The following HMX1 variants were observed in gnomAD, a reference collection of about 807,000 sequenced individuals.
HMX1 encodes homeobox protein HMX1.
Under a neutral mutation model 8.9 loss-of-function variants are expected in HMX1, and 8 were observed. The observed-to-expected ratio is 0.90, with a 90% CI of 0.53 to 1.63. The LOEUF is 1.63. Among genes scored for constraint, HMX1 ranks in the 40% most tolerant of loss-of-function variants. The probability of loss-of-function intolerance (pLI) is 0.00; values close to 1 mark genes in which losing one functional copy is unlikely to be tolerated. For missense variants in HMX1, 621 were observed against 558.5 expected (o/e 1.11, Z -1.13); for synonymous variants, 311 against 283.4 (o/e 1.10, Z -0.98).
Position 8,868,011 on chromosome 4 carries a change from G to T in HMX1, c.729C>A (p.Thr243=). ...RAGLAASLQL[T]ETQVKIWFQN... is the part of the protein sequence containing the mutation. ...GGAACCAGATCTTAACCTGCGTCTCGGTGAGCTGCAGGGAGGCGGCCAGGC... is the reference window on the plus strand; with the variant it reads ...GGAACCAGATCTTAACCTGCGTCTCTGTGAGCTGCAGGGAGGCGGCCAGGC... The change falls in exon 2 of 2, where the codon ACC becomes ACA. Residue 243 remains threonine (T), a synonymous_variant. Transcript: ENST00000400677. This position sits in a 1 kb window ranked among gnomAD's most constrained non-coding sequence, Gnocchi z 4.6. The T allele has an allele frequency of 6.5e-7, 1 of 1,544,100 alleles. No homozygotes were observed. The highest frequency in any genetic ancestry group is 1.2e-5 in the South Asian group (1 of 83,936).
downstream of HMX1, among the ~76,000 whole-genome samples, chr4:8,863,187 C>T (rs1055630904): frequency 1.3e-5 from 2 of 152,202 alleles, no homozygotes; most frequent in Non-Finnish European, 2.9e-5. Context: ...GCAGGAGTAG[C>T]CCGCTGGCCT....
At chr4:8,866,990 C>T (rs367765360), downstream of HMX1, 5 of 841,066 alleles carry the variant, frequency 5.9e-6, no homozygotes, top group South Asian at 5.4e-5. Flanking sequence ...CCAGGAGGGA[C>T]GGCACCCAGC....
At chr4:8,857,761 G>A (rs576651552) in intron 1 of HMX1, among the ~76,000 whole-genome samples, 1 of 152,254 alleles carries the variant, frequency 6.6e-6, no homozygotes, top group East Asian at 1.9e-4. Flanking sequence ...ACGCGACAGG[G>A]GACTCGAGGT....
intron 1 of HMX1, among the ~76,000 whole-genome samples, chr4:8,861,234 C>A (rs939686447): frequency 1.3e-5 from 2 of 152,108 alleles, no homozygotes; most frequent in African/African-American, 4.8e-5. Context: ...CTCCAGGGCC[C>A]CAGCGGGGCA....
intron 1 of HMX1, among the ~76,000 whole-genome samples, chr4:8,850,453 G>A (rs1452187565): frequency 1.3e-5 from 2 of 151,982 alleles, no homozygotes; most frequent in Admixed American, 6.5e-5. Context: ...CCCTGACCTC[G>A]GGCTGCAGGA....
chr4:8,855,784 G>C (rs1433059778), intron 1 of HMX1, among the ~76,000 whole-genome samples: 2 of 152,126 alleles, frequency 1.3e-5, no homozygotes, highest in Admixed American at 6.5e-5. Flanking sequence ...AAGGGCCTGG[G>C]GAGTGTGGGA....
In HMX1 at chr4:8,870,146, G is replaced by T. The variant is rs1005889979; in HGVS notation, c.394+1075C>A. Among the ~76,000 whole-genome samples, 1 of 151,934 alleles carries T rather than the reference G, an allele frequency of 6.6e-6. No individual in the cohort carries two copies. Among genetic ancestry groups the T allele is most frequent in the African/African-American group, 2.4e-5 (1 of 41,340 alleles). ...AGCACACACTAATATTCATACAGAG[G>T]ACAGCATGGATCCCAGAGCCGGAGC... On this transcript the variant is annotated intron_variant, in intron 1 of 1. Transcript: ENST00000400677. This position sits in a 1 kb window ranked among gnomAD's most constrained non-coding sequence, Gnocchi z 4.4.
chr4:8,867,422 G>A lies in HMX1; in HGVS notation c.*271C>T, dbSNP rs1412634610. On this transcript the variant is annotated 3_prime_UTR_variant, in exon 2 of 2. Transcript: ENST00000400677. ...GCTGAGGCCGGGGGGTGGCCGTGGC[G>A]CCGGGGGCTGCGCAGCCCAGAGTCT... 9.2e-7 allele frequency: 1 copy of A among 1,084,816 alleles called. No individual in the cohort carries two copies. The highest frequency in any genetic ancestry group is 1.1e-6 in the Non-Finnish European group (1 of 894,708). 67.2% of individuals were successfully genotyped at this position (1,084,816 alleles called of 1,614,324 possible). A position where few individuals can be genotyped will look rare whatever the true frequency, so the allele number is the denominator to read the frequency against.
chr4:8,859,511 C>A (rs1182895493), intron 1 of HMX1, among the ~76,000 whole-genome samples: 1 of 152,146 alleles, frequency 6.6e-6, no homozygotes, highest in Non-Finnish European at 1.5e-5. Context: ...TCTCAGACCC[C>A]CATGTGGAGA....
Position 8,871,533 on chromosome 4 carries a change from C to T in HMX1, c.82G>A (p.Glu28Lys). The T allele has an allele frequency of 2.2e-6, 3 of 1,355,636 alleles. No homozygotes were observed. The highest frequency in any genetic ancestry group is 1.6e-5 in the South Asian group (1 of 62,066). The allele number at this position is 1,355,636 out of a possible 1,614,324, so 84.0% of individuals were successfully genotyped here. Residue 28 changes from glutamate (E) to lysine (K), a missense_variant, in exon 1 of 2, where the codon GAG (glutamate) becomes AAG (lysine). Physicochemically the swap from Glu to Lys is moderately conservative, Grantham distance 56. Coordinates refer to ENST00000400677, the MANE Select transcript of HMX1 (RefSeq NM_018942.3). This position sits in a 1 kb window ranked among gnomAD's most constrained non-coding sequence, Gnocchi z 4.8. ...SFLIENLLAA[E>K]AKGAGRATQG... The stretch of plus-strand genomic sequence containing the variant: ...GTCGCGCGCCCTGCGCCCTTGGCCT[C>T]GGCCGCCAGCAGGTTCTCGATGAGG...
Position 8,868,480 on chromosome 4 carries a change from C to G in HMX1, c.395-135G>C. On this transcript the variant is annotated intron_variant, in intron 1 of 1. Transcript: ENST00000400677. This position sits in a 1 kb window ranked among gnomAD's most constrained non-coding sequence, Gnocchi z 4.6. ...GACCTTCCAGCACAGGGCTGGGCAC[C>G]CAGCAGCTCTGGGGATGCACACATT... 2 of 676,634 alleles carry G rather than the reference C, an allele frequency of 3.0e-6. No homozygotes were observed. Among genetic ancestry groups the G allele is most frequent in the Non-Finnish European group, 4.2e-6 (2 of 473,430 alleles). 41.9% of individuals were successfully genotyped at this position (676,634 alleles called of 1,614,324 possible).
At chr4:8,864,357 A>G (rs1307128775), downstream of HMX1, among the ~76,000 whole-genome samples, 1 of 152,154 alleles carries the variant, frequency 6.6e-6, no homozygotes, top group Non-Finnish European at 1.5e-5. Flanking sequence ...GAGCTGTGCA[A>G]CTGGAAGCCC....
rs141977503 is a variant in HMX1, at chr4:8,846,987, C to G, written c.395-663G>C. 9.4e-3 allele frequency among the ~76,000 whole-genome samples: 1,427 copies of G among 152,326 alleles called. 27 individuals are homozygous for G. Among genetic ancestry groups the G allele is most frequent in the South Asian group, 0.068 (330 of 4,822 alleles). On this transcript the variant is annotated intron_variant, in intron 1 of 1. Coordinates refer to the HMX1 transcript ENST00000506970. Reference sequence around the variant, plus strand: ...GGGCAGGGTGCCAGCTAGGGGTTCCCTGTGTGCAAAAGTGACATGGGACAC... The same window carrying G: ...GGGCAGGGTGCCAGCTAGGGGTTCCGTGTGTGCAAAAGTGACATGGGACAC...
intron 1 of HMX1, among the ~76,000 whole-genome samples, chr4:8,859,917 C>T (rs1207715766): frequency 2.6e-5 from 4 of 152,364 alleles, no homozygotes; most frequent in South Asian, 4.1e-4. Flanking sequence ...GGATCTGTGT[C>T]CACCTCTGGA....
At chr4:8,854,973 C>T (rs1427514988) in intron 1 of HMX1, among the ~76,000 whole-genome samples, 1 of 152,206 alleles carries the variant, frequency 6.6e-6, no homozygotes, top group Non-Finnish European at 1.5e-5. Flanking sequence ...TTTCTTCCCC[C>T]ACATCTTTCT....
intron 1 of HMX1, among the ~76,000 whole-genome samples, chr4:8,861,392 A>G (rs1721812478): frequency 6.6e-6 from 1 of 152,186 alleles, no homozygotes; most frequent in African/African-American, 2.4e-5. Flanking sequence ...CCTCTCCGCA[A>G]AGAAATAAAC....
At chr4:8,861,524 G>A (rs537660495) in intron 1 of HMX1, among the ~76,000 whole-genome samples, 1 of 152,336 alleles carries the variant, frequency 6.6e-6, no homozygotes, top group African/African-American at 2.4e-5. Context: ...GCGCGCGCGG[G>A]ATCCTCGTGC....
rs190604099 is a variant in HMX1 at position 8,867,423 on chromosome 4, C to T, written c.*270G>A. On this transcript the variant is annotated 3_prime_UTR_variant, in exon 2 of 2. Coordinates refer to ENST00000400677, the MANE Select transcript of HMX1 (RefSeq NM_018942.3). ...CTGAGGCCGGGGGGTGGCCGTGGCG[C>T]CGGGGGCTGCGCAGCCCAGAGTCTC... 956 of 1,089,404 alleles carry T rather than the reference C, an allele frequency of 8.8e-4. 11 individuals are homozygous for T. The Admixed American group carries it at 0.023, about 27-fold the overall frequency. The allele number at this position is 1,089,404 out of a possible 1,614,324, so 67.5% of individuals were successfully genotyped here.
At chr4:8,858,072 G>A (rs1721673538) in intron 1 of HMX1, among the ~76,000 whole-genome samples, 1 of 152,232 alleles carries the variant, frequency 6.6e-6, no homozygotes, top group East Asian at 2.0e-4. Flanking sequence ...TCAATGCCGG[G>A]CCTCGGGGAC....
Sources: allele counts gnomAD v4.1 joint callset (sites outside exome capture counted in the v4.1 genomes callset), GRCh38; gene constraint gnomAD v4.1.1; non-coding constraint Gnocchi (gnomAD v3.1); transcripts MANE v1.5; gene names NCBI Gene and HGNC (gene_info 2026-07-23, HGNC 2026-07-21).